HMGXB3: variants seen among roughly 807,000 people sequenced by gnomAD.
HMGXB3 encodes HMG-box containing 3, also known as HMG domain-containing protein 3.
Under a neutral mutation model 121.5 loss-of-function variants are expected in HMGXB3, and 45 were observed. The ratio of observed to expected loss-of-function variants is 0.37; its 90% CI spans 0.29 to 0.47. The LOEUF (loss-of-function observed/expected upper bound fraction) is 0.47, where lower values mean the gene tolerates loss of function less well. Among genes scored for constraint, HMGXB3 ranks in the 20% least tolerant of loss-of-function variants. HMGXB3 has a pLI of 0.99. For synonymous variants in HMGXB3, 590 were observed against 624.1 expected (o/e 0.95, Z 0.81); for missense variants, 1,376 against 1,602.2 (o/e 0.86, Z 2.41).
rs975936183 is a variant in HMGXB3, at chr5:150,024,280, A to G, written c.1060A>G (p.Lys354Glu). 49 of 1,533,490 alleles carry G rather than the reference A, an allele frequency of 3.2e-5. No individual in the cohort carries two copies. Among genetic ancestry groups the G allele is most frequent in the Non-Finnish European group, 4.2e-5 (48 of 1,140,780 alleles). The allele number at this position is 1,533,490 out of a possible 1,614,324, so 95.0% of individuals were successfully genotyped here. Residue 354 changes from lysine (K) to glutamate (E), a missense_variant, in exon 7 of 20, where the codon AAA (lysine) becomes GAA (glutamate). By Grantham distance (56) the Lys-to-Glu change is moderately conservative. Coordinates refer to ENST00000502717, the MANE Select transcript of HMGXB3 (RefSeq NM_014983.3). ...TTTCTAGGAAAAGCCAGCCAAAGTAAAAGTGGAATTGGCTTCTGGCGTCTC... is the reference window on the plus strand; with the variant it reads ...TTTCTAGGAAAAGCCAGCCAAAGTAGAAGTGGAATTGGCTTCTGGCGTCTC... The part of the protein sequence containing the change: ...WIPKEKPAKV[K>E]VELASGVSSK...
intron 18 of HMGXB3, among the ~76,000 whole-genome samples, chr5:150,049,418 C>T (rs549836742): frequency 6.6e-6 from 1 of 151,694 alleles, no homozygotes; most frequent in East Asian, 1.9e-4. Flanking sequence ...AAACCCCCCC[C>T]CTTAACAGGT....
intron 1 of HMGXB3, among the ~76,000 whole-genome samples, chr5:150,003,352 C>A (rs1261870687): frequency 1.3e-5 from 2 of 151,964 alleles, no homozygotes; most frequent in African/African-American, 2.4e-5. Flanking sequence ...AAAGAAGGCC[C>A]AGGGAGTTGG....
chr5:150,001,931 C>CA (rs759446091), intron 1 of HMGXB3, among the ~76,000 whole-genome samples: 5 of 152,262 alleles, frequency 3.3e-5, no homozygotes, highest in South Asian at 2.1e-4. Context: ...CAATTCAGGG[C>CA]AAAAAAGCGC....
At chr5:150,028,509 G>A (rs747827471) in intron 9 of HMGXB3, among the ~76,000 whole-genome samples, 5 of 49,328 alleles carry the variant, frequency 1.0e-4, no homozygotes, top group East Asian at 1.0e-3. Context: ...GTATGTATGT[G>A]TGTGTGTGTG....
intron 3 of HMGXB3, 139 bp downstream of exon 3, chr5:150,006,786 C>T (rs1755714462): frequency 1.4e-6 from 1 of 729,570 alleles, no homozygotes; most frequent in Non-Finnish European, 2.2e-6. Flanking sequence ...TCTGGGCTTG[C>T]TTGTTTCCAT....
chr5:150,034,623 C>G (rs1237917916), intron 11 of HMGXB3, among the ~76,000 whole-genome samples: 3 of 152,144 alleles, frequency 2.0e-5, no homozygotes, highest in Non-Finnish European at 4.4e-5. Flanking sequence ...ACCCCCAGGA[C>G]CCTCATCTGC....
chr5:150,037,357 TC>T (rs1396075984), intron 12 of HMGXB3, 42 bp from the exon 13 acceptor site: 1 of 1,490,850 alleles, frequency 6.7e-7, no homozygotes, highest in Admixed American at 2.3e-5. Context: ...TAAAGAAGTC[TC>T]TTTCCCTTCT....
intron 19 of HMGXB3, among the ~76,000 whole-genome samples, chr5:150,051,127 G>A (rs961593121): frequency 5.3e-5 from 8 of 152,150 alleles, no homozygotes; most frequent in African/African-American, 1.4e-4. Flanking sequence ...GGACTTTTCC[G>A]GGTCCCACAG....
chr5:150,001,380 A>T (rs1273908765), intron 1 of HMGXB3, among the ~76,000 whole-genome samples: 1 of 152,194 alleles, frequency 6.6e-6, no homozygotes, highest in Non-Finnish European at 1.5e-5. Context: ...CTCTTGCTTC[A>T]TTCATGACCC....
chr5:150,010,115 C>G lies in HMGXB3; in HGVS notation c.317C>G (p.Ser106Cys). 1 of 1,550,382 alleles carries G rather than the reference C, an allele frequency of 6.5e-7. No homozygotes were observed. The highest frequency in any genetic ancestry group is 1.2e-5 in the South Asian group (1 of 83,898). ...KLEKEGLDPN[S>C]KLSALTAVVP... ...TCCTGGCTTCCTCATCCTCAGAACTCTAAGCTCTCTGCACTGACTGCTGTG... is the reference window on the plus strand; with the variant it reads ...TCCTGGCTTCCTCATCCTCAGAACTGTAAGCTCTCTGCACTGACTGCTGTG... The change falls in exon 4 of 20, where the codon TCT becomes TGT. Residue 106 changes from serine to cysteine, a missense_variant. Coordinates refer to ENST00000502717, the MANE Select transcript of HMGXB3 (RefSeq NM_014983.3).
At chr5:150,010,687 C>T in intron 4 of HMGXB3, 79 bp downstream of exon 4, 1 of 1,357,856 alleles carries the variant, frequency 7.4e-7, no homozygotes, top group Non-Finnish European at 1.0e-6. Context: ...AGTGTGATTC[C>T]AGAGCAGTGG....
intron 19 of HMGXB3, among the ~76,000 whole-genome samples, 177 bp from the exon 20 acceptor site, chr5:150,051,548 C>T (rs534023609): frequency 6.6e-6 from 1 of 152,166 alleles, no homozygotes; most frequent in East Asian, 1.9e-4. Flanking sequence ...TGTTACTGTC[C>T]CTGTTCTCAC....
In HMGXB3 at chr5:150,052,010, C is replaced by T. The variant is rs560967022; in HGVS notation, c.3697C>T (p.Arg1233Cys). Reference sequence around the variant, plus strand: ...TGCCACTCACTATTACCTCTACAACCGCCTCATGGACTTCCTCACCAGCCG... The same window carrying T: ...TGCCACTCACTATTACCTCTACAACTGCCTCATGGACTTCCTCACCAGCCG... Reference protein sequence around the residue: ...DNATHYYLYNRLMDFLTSREI... With the variant: ...DNATHYYLYNCLMDFLTSREI... The change falls in exon 20 of 20, where the codon CGC (arginine) becomes TGC (cysteine). Residue 1233 changes from arginine to cysteine, a missense_variant. Arg to Cys is a radical substitution (Grantham distance 180). This residue lies in a region of HMGXB3 where 260 missense variants were observed against 233.2 expected (regional missense o/e 1.11). Transcript: ENST00000502717. 5.8e-6 allele frequency: 9 copies of T among 1,552,048 alleles called. No homozygotes were observed. Among genetic ancestry groups the T allele is most frequent in the African/African-American group, 1.4e-5 (1 of 73,180 alleles).
At chr5:150,020,907 G>A (rs13182949) in intron 6 of HMGXB3, among the ~76,000 whole-genome samples, 14,060 of 151,878 alleles carry the variant, frequency 0.093, 2,147 homozygotes, top group African/African-American at 0.32. Flanking sequence ...AGCCAGCTAG[G>A]TTTTTTTGTA....
chr5:150,011,911 C>T (rs1422264467), intron 4 of HMGXB3, among the ~76,000 whole-genome samples: 9 of 152,106 alleles, frequency 5.9e-5, no homozygotes, highest in Non-Finnish European at 8.8e-5. Context: ...CGTGCCCGGC[C>T]GCCACTAGCC....
In HMGXB3 at chr5:150,018,539, TGATTCTGA is replaced by T; in HGVS notation, c.910-26_910-19del. ...ATCAGTCTGAGAGAGGTTGTTCTAT[TGATTCTGA>T]TGTGCTCTTTATTTACAGACCACTA... On this transcript the variant is annotated intron_variant, in intron 5 of 19. Coordinates refer to ENST00000502717, the MANE Select transcript of HMGXB3 (RefSeq NM_014983.3). The T allele has an allele frequency of 6.6e-7, 1 of 1,508,096 alleles. No homozygotes were observed. 93.4% of individuals were successfully genotyped at this position (1,508,096 alleles called of 1,614,324 possible).
chr5:150,027,938 G>A (rs1008112674), intron 9 of HMGXB3, among the ~76,000 whole-genome samples: 8 of 152,130 alleles, frequency 5.3e-5, no homozygotes, highest in African/African-American at 1.9e-4. Context: ...TTCGACCTGT[G>A]AACCCTGAAA....
chr5:150,028,705 C>T (rs1756304863), intron 9 of HMGXB3, among the ~76,000 whole-genome samples: 1 of 150,326 alleles, frequency 6.7e-6, no homozygotes, highest in Non-Finnish European at 1.5e-5. Flanking sequence ...TAGCTGGGTA[C>T]ACAGGCAGGC....
At chr5:150,042,466 T>G (rs937472329) in intron 15 of HMGXB3, among the ~76,000 whole-genome samples, 1 of 152,122 alleles carries the variant, frequency 6.6e-6, no homozygotes, top group African/African-American at 2.4e-5. Context: ...CAGTAGCATT[T>G]GAGTAGAGAT....
Sources: gnomAD v4.1 joint callset for allele counts (sites outside exome capture counted in the v4.1 genomes callset) on GRCh38, gnomAD v4.1.1 for gene constraint, gnomAD v4.1.1 regional missense constraint, MANE v1.5 for transcripts, NCBI Gene and HGNC (gene_info 2026-07-23, HGNC 2026-07-21) for gene names.